The following DNAAF9 variants were observed in gnomAD, a reference collection of about 807,000 sequenced individuals.
DNAAF9 encodes shulin.
Under a neutral mutation model 167.0 loss-of-function variants are expected in DNAAF9, and 90 were observed. The ratio of observed to expected loss-of-function variants is 0.54; its 90% CI spans 0.45 to 0.64. The LOEUF is 0.64. Ranked by LOEUF, DNAAF9 falls within the 30% of genes least tolerant of loss-of-function variation. The pLI, the probability that DNAAF9 is intolerant of heterozygous loss-of-function variation, is 0.00. For synonymous variants in DNAAF9, 491 were observed against 508.8 expected, an observed-to-expected ratio of 0.96 and a Z score of 0.47; for missense variants, 1,315 against 1,442.2, an observed-to-expected ratio of 0.91 and a Z score of 1.43.
intron 25 of DNAAF9, among the ~76,000 whole-genome samples, chr20:3,290,812 G>A (rs1429018362): frequency 4.3e-5 from 6 of 138,276 alleles, no homozygotes; most frequent in Non-Finnish European, 7.7e-5. Flanking sequence ...TTTTTGAGAT[G>A]GAGTCTCACT....
intron 7 of DNAAF9, among the ~76,000 whole-genome samples, chr20:3,357,858 A>T (rs1227480375): frequency 6.6e-6 from 1 of 151,856 alleles, no homozygotes; most frequent in African/African-American, 2.4e-5. Flanking sequence ...AAAAAATAAA[A>T]AATTAGCCAG....
At chr20:3,337,762 CAG>C (rs1568613454) in intron 10 of DNAAF9, among the ~76,000 whole-genome samples, 1 of 151,896 alleles carries the variant, frequency 6.6e-6, no homozygotes, top group African/African-American at 2.4e-5. Flanking sequence ...AACCTTGTGT[CAG>C]AGTACTCCCA....
In DNAAF9 at chr20:3,293,192, C is replaced by T. The variant is rs1600720704; in HGVS notation, c.2238+947G>A. ...CCTGTAATCCCAGCTACTCGGGATG[C>T]TGAGGCAGGAGAATCCCTTGAACCT... On this transcript the variant is annotated intron_variant, in intron 25 of 36. Transcript: ENST00000252032. Among the ~76,000 whole-genome samples the T allele has an allele frequency of 2.8e-5, 4 of 141,818 alleles. No homozygotes were observed. In the East Asian group the frequency reaches 8.9e-4, roughly 32 times the overall value. 93.0% of individuals were successfully genotyped at this position (141,818 alleles called of 152,430 possible).
chr20:3,401,445 C>T (rs2083982565), intron 1 of DNAAF9, among the ~76,000 whole-genome samples: 1 of 152,052 alleles, frequency 6.6e-6, no homozygotes, highest in African/African-American at 2.4e-5. Context: ...GGTGATCCAC[C>T]CACCTCGGTC....
chr20:3,396,986 C>T (rs1339540761), intron 1 of DNAAF9, among the ~76,000 whole-genome samples: 2 of 152,186 alleles, frequency 1.3e-5, no homozygotes, highest in Non-Finnish European at 2.9e-5. Flanking sequence ...GTGGCTTATG[C>T]CTGTAATCCC....
intron 30 of DNAAF9, among the ~76,000 whole-genome samples, chr20:3,267,470 G>A (rs544569613): frequency 1.3e-5 from 2 of 151,106 alleles, no homozygotes; most frequent in African/African-American, 4.9e-5. Flanking sequence ...AGAGGTAAGG[G>A]TATTTGCTGC....
At chr20:3,266,695 T>C (rs994812714) in intron 30 of DNAAF9, among the ~76,000 whole-genome samples, 1 of 152,018 alleles carries the variant, frequency 6.6e-6, no homozygotes, top group Non-Finnish European at 1.5e-5. Context: ...GCCAGGATGG[T>C]CTCGATCTCC....
At chr20:3,392,625 T>G (rs1470775602) in intron 1 of DNAAF9, among the ~76,000 whole-genome samples, 2 of 152,228 alleles carry the variant, frequency 1.3e-5, no homozygotes, top group Non-Finnish European at 2.9e-5. Context: ...GTTCTTCCCA[T>G]CTTATATGTA....
intron 2 of DNAAF9, among the ~76,000 whole-genome samples, chr20:3,382,008 C>A (rs1298918361): frequency 6.6e-6 from 1 of 152,072 alleles, no homozygotes; most frequent in African/African-American, 2.4e-5. Flanking sequence ...TGCAAATGAC[C>A]CTCATGAAGC....
Position 3,322,675 on chromosome 20 carries a change from T to C in DNAAF9, c.1287A>G (p.Ile429Met), listed in dbSNP as rs770788285. 3.7e-6 allele frequency: 6 copies of C among 1,613,254 alleles called. No individual in the cohort carries two copies. Among genetic ancestry groups the C allele is most frequent in the Middle Eastern group, 1.7e-4 (1 of 6,058 alleles). The change falls in exon 15 of 37, where the codon ATA becomes ATG. Residue 429 changes from isoleucine to methionine, a missense_variant. Physicochemically the swap from Ile to Met is conservative, Grantham distance 10 (BLOSUM62 1). Transcript: ENST00000252032. Reference protein sequence around the residue: ...AALRSKMTFHIHAVNNQGRIV... With the variant: ...AALRSKMTFHMHAVNNQGRIV... ...ACCTTCCCTGATTATTCACAGCATG[T>C]ATATGAAAAGTCATCTTGGAGCTGT...
chr20:3,315,024 G>A lies in DNAAF9; in HGVS notation c.1678+9C>T. On this transcript the variant is annotated intron_variant, in intron 20 of 36. Coordinates refer to ENST00000252032, the MANE Select transcript of DNAAF9 (RefSeq NM_001009984.3). The surrounding 1 kb of genome is among the most constrained non-coding windows in gnomAD (Gnocchi z 4.1). Reference sequence around the variant, plus strand: ...CATGGCCAAAAACATTAAAGTCATAGCTCCTTACCTTCCTCAGGCCAGGAC... The same window carrying A: ...CATGGCCAAAAACATTAAAGTCATAACTCCTTACCTTCCTCAGGCCAGGAC... 6.4e-7 allele frequency: 1 copy of A among 1,559,308 alleles called. No homozygotes were observed. Among genetic ancestry groups the A allele is most frequent in the South Asian group, 1.1e-5 (1 of 89,642 alleles).
At chr20:3,275,831 G>A (rs1417048617) in intron 29 of DNAAF9, among the ~76,000 whole-genome samples, 1 of 152,170 alleles carries the variant, frequency 6.6e-6, no homozygotes, top group African/African-American at 2.4e-5. Context: ...CTATTCCCAA[G>A]AGCAGAGAAA....
chr20:3,392,282 C>T (rs528447797), intron 1 of DNAAF9, among the ~76,000 whole-genome samples: 1 of 152,328 alleles, frequency 6.6e-6, no homozygotes, highest in Non-Finnish European at 1.5e-5. Context: ...GTAAGTTCTA[C>T]CTTTAGAAGA....
intron 7 of DNAAF9, among the ~76,000 whole-genome samples, chr20:3,358,211 G>A (rs552489489): frequency 6.6e-6 from 1 of 151,958 alleles, no homozygotes; most frequent in African/African-American, 2.4e-5. Context: ...GGGCTTGAGG[G>A]GAAGTCTATT....
intron 1 of DNAAF9, among the ~76,000 whole-genome samples, chr20:3,382,707 T>C (rs1704240290): frequency 6.6e-6 from 1 of 152,160 alleles, no homozygotes; most frequent in Non-Finnish European, 1.5e-5. Flanking sequence ...GAAGAGGTTG[T>C]GCAGAACTGG....
intron 4 of DNAAF9, among the ~76,000 whole-genome samples, 154 bp downstream of exon 4, chr20:3,376,024 A>G (rs2083570227): frequency 6.6e-6 from 1 of 152,228 alleles, no homozygotes; most frequent in African/African-American, 2.4e-5. Flanking sequence ...AGGTAGCCTC[A>G]AAACGAAATA....
At position 3,315,109 on chromosome 20, in the gene DNAAF9, A is replaced by G; in HGVS notation, c.1602T>C (p.Ser534=). 5 of 1,602,278 alleles carry G rather than the reference A, an allele frequency of 3.1e-6. No individual in the cohort carries two copies. The highest frequency in any genetic ancestry group is 3.4e-6 in the Non-Finnish European group (4 of 1,169,200). ...CTCCTGTTAGATAAGTGCCCAGGAA[A>G]GACTCATCCCCCTTTAAAAACAACA... ...KTQQAVRGDE[S]FLGTYLTGGE... is the part of the protein sequence containing the mutation. Residue 534 remains serine (S), a synonymous_variant, in exon 20 of 37, where the codon TCT becomes TCC. Coordinates refer to ENST00000252032, the MANE Select transcript of DNAAF9 (RefSeq NM_001009984.3). The surrounding 1 kb of genome is among the most constrained non-coding windows in gnomAD (Gnocchi z 4.1).
intron 5 of DNAAF9, 58 bp from the exon 6 acceptor site, chr20:3,374,212 A>C (rs2083546682): frequency 8.5e-7 from 1 of 1,178,116 alleles, no homozygotes; most frequent in South Asian, 1.3e-5. Flanking sequence ...TAACAGTCTA[A>C]ACCTGACCTA....
At chr20:3,272,579 T>C (rs948384916) in intron 29 of DNAAF9, among the ~76,000 whole-genome samples, 2 of 152,162 alleles carry the variant, frequency 1.3e-5, no homozygotes, top group Admixed American at 6.6e-5. Flanking sequence ...CTTTAAAGAG[T>C]ATACTTAACC....
Sources: gnomAD v4.1 joint callset for allele counts (sites outside exome capture counted in the v4.1 genomes callset) on GRCh38, gnomAD v4.1.1 for gene constraint, Gnocchi (gnomAD v3.1) non-coding constraint, MANE v1.5 for transcripts, NCBI Gene and HGNC (gene_info 2026-07-23, HGNC 2026-07-21) for gene names.